Variants in TMEM131 observed in about 807,000 individuals in gnomAD.
TMEM131 encodes transmembrane protein 131.
TMEM131 carries 66 observed loss-of-function variants against 211.6 expected under a neutral mutation model. That is an observed-to-expected ratio of 0.31 (90% confidence interval 0.26 to 0.38). The LOEUF is 0.38. Ranked by LOEUF, TMEM131 falls within the 10% of genes least tolerant of loss-of-function variation. The pLI, the probability that TMEM131 is intolerant of heterozygous loss-of-function variation, is 1.00. For missense variants in TMEM131, 2,036 were observed against 2,299.3 expected, an observed-to-expected ratio of 0.89 and a Z score of 2.34; for synonymous variants, 844 against 841.3, an observed-to-expected ratio of 1.00 and a Z score of -0.06.
chr2:97,950,267 A>C (rs972315258), intron 1 of TMEM131, among the ~76,000 whole-genome samples: 1 of 152,266 alleles, frequency 6.6e-6, no homozygotes, highest in Non-Finnish European at 1.5e-5. Flanking sequence ...TCTGTATGAT[A>C]GTTAAAATCA....
At chr2:97,903,282 G>A (rs1325634228) in intron 3 of TMEM131, among the ~76,000 whole-genome samples, 2 of 152,090 alleles carry the variant, frequency 1.3e-5, no homozygotes, top group African/African-American at 2.4e-5. Context: ...AACTAAGCAC[G>A]TGCGATTTTT....
chr2:97,942,173 T>C (rs1422490506), intron 1 of TMEM131, among the ~76,000 whole-genome samples: 2 of 151,700 alleles, frequency 1.3e-5, no homozygotes, highest in Non-Finnish European at 2.9e-5. Flanking sequence ...ATGTCCTTTG[T>C]AGGGACATGG....
chr2:97,770,459 T>C (rs1411570697), intron 33 of TMEM131, among the ~76,000 whole-genome samples: 1 of 152,220 alleles, frequency 6.6e-6, no homozygotes, highest in Non-Finnish European at 1.5e-5. Flanking sequence ...TTTAACTACA[T>C]ATTGAGAGAG....
intron 1 of TMEM131, among the ~76,000 whole-genome samples, chr2:97,930,032 C>T (rs964826488): frequency 6.6e-6 from 1 of 151,716 alleles, no homozygotes; most frequent in Non-Finnish European, 1.5e-5. Flanking sequence ...TCACCTGTTC[C>T]CCCCACTTTT....
At chr2:97,825,692 G>A (rs890678323) in intron 11 of TMEM131, among the ~76,000 whole-genome samples, 1 of 152,164 alleles carries the variant, frequency 6.6e-6, no homozygotes, top group Non-Finnish European at 1.5e-5. Flanking sequence ...AGCAGGGATA[G>A]CTCTTGGAGT....
intron 8 of TMEM131, among the ~76,000 whole-genome samples, chr2:97,836,678 C>G (rs900480232): frequency 6.6e-6 from 1 of 152,164 alleles, no homozygotes; most frequent in Admixed American, 6.5e-5. Context: ...TCTGAACATT[C>G]AATTACTTAC....
chr2:97,765,634 G>A (rs959828455), intron 35 of TMEM131, among the ~76,000 whole-genome samples: 3 of 152,180 alleles, frequency 2.0e-5, no homozygotes, highest in African/African-American at 7.2e-5. Context: ...ACAAGGTCAA[G>A]GTAGTGAGAA....
chr2:97,974,999 ACAG>A (rs2104617048), intron 1 of TMEM131, among the ~76,000 whole-genome samples: 1 of 152,328 alleles, frequency 6.6e-6, no homozygotes, highest in East Asian at 1.9e-4. Context: ...TACTCCAACA[ACAG>A]CAGAAGACAT....
intron 2 of TMEM131, among the ~76,000 whole-genome samples, chr2:97,924,892 G>A (rs1410937272): frequency 6.6e-6 from 1 of 152,048 alleles, no homozygotes; most frequent in Non-Finnish European, 1.5e-5. Context: ...CTTTTTTGTA[G>A]TTGTTGATAC....
chr2:97,939,001 C>G (rs1677583464), intron 1 of TMEM131, among the ~76,000 whole-genome samples: 2 of 152,100 alleles, frequency 1.3e-5, no homozygotes, highest in Admixed American at 1.3e-4. Flanking sequence ...ACACAACATA[C>G]CAGAATCTCT....
intron 11 of TMEM131, chr2:97,827,563 A>T (rs999316010): frequency 2.1e-5 from 19 of 912,196 alleles, no homozygotes; most frequent in Non-Finnish European, 3.3e-5. Context: ...ACCATATACC[A>T]TGTCTTATCA....
chr2:97,782,396 G>C (rs1399956337), intron 31 of TMEM131, among the ~76,000 whole-genome samples: 1 of 152,202 alleles, frequency 6.6e-6, no homozygotes, highest in Non-Finnish European at 1.5e-5. Flanking sequence ...AGAAGGTTTA[G>C]GTAAGATCCA....
In TMEM131 at chr2:97,756,989, G is replaced by A. The variant is rs1678517755; in HGVS notation, c.*110C>T. On this transcript the variant is annotated 3_prime_UTR_variant, in exon 41 of 41. Transcript: ENST00000186436. ...CTGCTTGGGTCTGTTTTGCAAAGAA[G>A]AGGAGGGTGGGGAGGGGAGCTGCAG... 1 of 1,351,890 alleles carries A rather than the reference G, an allele frequency of 7.4e-7. No individual in the cohort carries two copies. Among genetic ancestry groups the A allele is most frequent in the African/African-American group, 1.5e-5 (1 of 68,052 alleles). 83.7% of individuals were successfully genotyped at this position (1,351,890 alleles called of 1,614,324 possible). A position where few individuals can be genotyped will look rare whatever the true frequency, so the allele number is the denominator to read the frequency against.
At chr2:97,956,448 T>C (rs1678569996) in intron 1 of TMEM131, among the ~76,000 whole-genome samples, 1 of 152,176 alleles carries the variant, frequency 6.6e-6, no homozygotes, top group African/African-American at 2.4e-5. Flanking sequence ...GTGGTATTGA[T>C]CTCCTATTAC....
chr2:97,978,228 A>G (rs1177058606), intron 1 of TMEM131, among the ~76,000 whole-genome samples: 1 of 152,226 alleles, frequency 6.6e-6, no homozygotes, highest in Non-Finnish European at 1.5e-5. Flanking sequence ...ACTGGAGTCA[A>G]TCTTCTCTAA....
chr2:97,847,168 AC>A (rs1683490757), intron 5 of TMEM131, among the ~76,000 whole-genome samples: 1 of 148,228 alleles, frequency 6.7e-6, no homozygotes, highest in Admixed American at 6.9e-5. Context: ...CAGCCTGGTG[AC>A]AGAGTGAGAT....
At chr2:97,830,835 T>C (rs1438932349) in intron 11 of TMEM131, among the ~76,000 whole-genome samples, 1 of 152,164 alleles carries the variant, frequency 6.6e-6, no homozygotes, top group East Asian at 1.9e-4. Flanking sequence ...GCTTTAGTAA[T>C]CCTATATTTA....
intron 11 of TMEM131, among the ~76,000 whole-genome samples, chr2:97,833,053 G>C (rs1310984882): frequency 1.3e-5 from 2 of 152,066 alleles, no homozygotes; most frequent in Non-Finnish European, 2.9e-5. Context: ...CTTATAACCT[G>C]TTTTTCTATA....
chr2:97,853,240 T>C (rs965222952), intron 5 of TMEM131, among the ~76,000 whole-genome samples: 4 of 152,192 alleles, frequency 2.6e-5, no homozygotes, highest in African/African-American at 9.7e-5. Flanking sequence ...ATTCCTCTGA[T>C]GGATCTGGGC....
Sources: allele counts gnomAD v4.1 joint callset (sites outside exome capture counted in the v4.1 genomes callset), GRCh38; gene constraint gnomAD v4.1.1; transcripts MANE v1.5; gene names NCBI Gene and HGNC (gene_info 2026-07-23, HGNC 2026-07-21).